Variants in TDRKH observed in about 807,000 individuals in gnomAD.
TDRKH encodes the protein tudor and KH domain-containing protein.
TDRKH carries 28 observed loss-of-function variants against 61.3 expected under a neutral mutation model. That is an observed-to-expected ratio of 0.46 (90% CI 0.34 to 0.63). The LOEUF (loss-of-function observed/expected upper bound fraction) is 0.63. Ranked by LOEUF, TDRKH falls within the 20% of genes least tolerant of loss-of-function variation. The pLI is 0.01. For synonymous variants in TDRKH, 219 were observed against 244.4 expected, an observed-to-expected ratio of 0.90 and a Z score of 0.97; for missense variants, 540 against 683.4, an observed-to-expected ratio of 0.79 and a Z score of 2.34.
chr1:151,769,144 C>T (rs1484636909), downstream of TDRKH, among the ~76,000 whole-genome samples: 12 of 152,102 alleles, frequency 7.9e-5, no homozygotes, highest in South Asian at 2.1e-4. Flanking sequence ...AAACCGCCAT[C>T]GTCATCATGG....
Position 151,778,765 on chromosome 1 carries a change from TC to T in TDRKH, c.802del (p.Glu268LysfsTer41), listed in dbSNP as rs753082990. On this transcript the variant is annotated frameshift_variant, in exon 6 of 13. Transcript: ENST00000368824. LOFTEE classifies it high-confidence loss of function. The stretch of plus-strand genomic sequence containing the variant: ...ATCACTAGGTTTCTCCCAGGAACCT[TC>T]CTTTGACACTACCACAGCCATGTCG... ...GGDMAVVVSK[E>X]GSWEKPSDDS... The T allele has an allele frequency of 6.2e-7, 1 of 1,614,182 alleles. No individual in the cohort carries two copies. Among genetic ancestry groups the T allele is most frequent in the Non-Finnish European group, 8.5e-7 (1 of 1,180,026 alleles).
At chr1:151,789,473 A>G (rs1397894121) in intron 1 of TDRKH, among the ~76,000 whole-genome samples, 1 of 152,220 alleles carries the variant, frequency 6.6e-6, no homozygotes, top group Non-Finnish European at 1.5e-5. Flanking sequence ...ACTAGAACTT[A>G]AGACCACAGT....
chr1:151,779,901 G>T (rs371793434), intron 4 of TDRKH, 50 bp downstream of exon 4: 256 of 1,535,420 alleles, frequency 1.7e-4, no homozygotes, highest in Non-Finnish European at 2.0e-4. Flanking sequence ...GTGAAAGAGG[G>T]GCAAAGGTAA....
downstream of TDRKH, chr1:151,773,419 T>C (rs1019313657): frequency 1.3e-5 from 2 of 152,614 alleles, no homozygotes; most frequent in African/African-American, 2.4e-5. Context: ...TGTGAGGCAG[T>C]TGGCAGTTTT....
intron 3 of TDRKH, 57 bp downstream of exon 3, chr1:151,781,424 G>T: frequency 1.2e-5 from 18 of 1,497,106 alleles, no homozygotes; most frequent in Non-Finnish European, 1.7e-5. Context: ...AAGGAAACAA[G>T]AAATCAATAA....
At chr1:151,771,111 T>TG (rs1371177479), downstream of TDRKH, 1 of 1,609,290 alleles carries the variant, frequency 6.2e-7, no homozygotes, top group Non-Finnish European at 8.5e-7. Context: ...ACATGGGCTT[T>TG]GAGGTGGTCA....
chr1:151,778,759 G>C lies in TDRKH; in HGVS notation c.809C>G (p.Ser270Cys). The change falls in exon 6 of 13, where the codon TCC (serine) becomes TGC (cysteine). Residue 270 changes from serine to cysteine, a missense_variant. Coordinates refer to ENST00000368824, the MANE Select transcript of TDRKH (RefSeq NM_001083965.2). ...DMAVVVSKEG[S>C]WEKPSDDSFQ... ...GCTGTCATCACTAGGTTTCTCCCAG[G>C]AACCTTCCTTTGACACTACCACAGC... The C allele has an allele frequency of 6.2e-7, 1 of 1,614,186 alleles. No homozygotes were observed. Among genetic ancestry groups the C allele is most frequent in the Non-Finnish European group, 8.5e-7 (1 of 1,180,042 alleles).
At chr1:151,772,611 A>C (rs1053719131), downstream of TDRKH, among the ~76,000 whole-genome samples, 1 of 152,178 alleles carries the variant, frequency 6.6e-6, no homozygotes, top group African/African-American at 2.4e-5. Flanking sequence ...ATTACTATAC[A>C]TTTATATTTA....
intron 5 of TDRKH, 46 bp downstream of exon 5, chr1:151,779,057 G>A (rs1571994317): frequency 6.2e-7 from 1 of 1,612,314 alleles, no homozygotes; most frequent in Non-Finnish European, 8.5e-7. Context: ...TAGAGTAAAA[G>A]GATCTTCTCA....
Position 151,774,705 on chromosome 1 carries a change from T to C in TDRKH, c.1633+5A>G, listed in dbSNP as rs779339182. On this transcript the variant is annotated splice_donor_5th_base_variant and intron_variant, in intron 12 of 12. Transcript: ENST00000368824. ...GATGCTCTAGGGAGGAAATACTGCTTGTACCTGATAAGCTGAGGCAGGACA... is the reference window on the plus strand; with the variant it reads ...GATGCTCTAGGGAGGAAATACTGCTCGTACCTGATAAGCTGAGGCAGGACA... 6 of 1,613,898 alleles carry C rather than the reference T, an allele frequency of 3.7e-6. No individual in the cohort carries two copies. The African/African-American group carries it at 8.0e-5, about 22-fold the overall frequency.
At chr1:151,770,930 CCTAGGTCTGTTGGA>C, downstream of TDRKH, 1 of 1,137,310 alleles carries the variant, frequency 8.8e-7, no homozygotes, top group East Asian at 2.9e-5. Context: ...AGAGTTAGAG[CCTAGGTCTGTTGGA>C]CTAAAGCACA....
At chr1:151,780,262 AT>A in intron 3 of TDRKH, 122 bp from the exon 4 acceptor site, 1 of 341,912 alleles carries the variant, frequency 2.9e-6, no homozygotes, top group African/African-American at 3.0e-5. Context: ...AGCTAATACT[AT>A]CTATACAACC....
chr1:151,775,015 T>G, intron 11 of TDRKH, 50 bp downstream of exon 11: 1 of 1,559,056 alleles, frequency 6.4e-7, no homozygotes, highest in Non-Finnish European at 8.8e-7. Context: ...TTAGTGTCTA[T>G]GTGCTAGATT....
intron 2 of TDRKH, chr1:151,781,958 G>A (rs1394132096): frequency 4.3e-6 from 2 of 460,216 alleles, no homozygotes; most frequent in Non-Finnish European, 8.7e-6. Context: ...AGGTACATAA[G>A]TCATTTCTCT....
At chr1:151,771,847 C>G (rs1428056702), downstream of TDRKH, 2 of 398,192 alleles carry the variant, frequency 5.0e-6, no homozygotes, top group Non-Finnish European at 8.8e-6. Flanking sequence ...AAGAATGAGA[C>G]ATTACTCATT....
chr1:151,769,944 C>A (rs1216555611), downstream of TDRKH, among the ~76,000 whole-genome samples: 3 of 70,590 alleles, frequency 4.2e-5, no homozygotes, highest in Admixed American at 1.8e-4. Flanking sequence ...TGGCGGCACG[C>A]GCCTGCAATC....
At chr1:151,769,138 C>T (rs1648490286), downstream of TDRKH, among the ~76,000 whole-genome samples, 2 of 151,990 alleles carry the variant, frequency 1.3e-5, no homozygotes, top group South Asian at 2.1e-4. Context: ...TCGACAAAAC[C>T]GCCATCGTCA....
chr1:151,775,198 C>G (rs1206665442), intron 10 of TDRKH, 32 bp from the exon 11 acceptor site: 4 of 1,611,194 alleles, frequency 2.5e-6, no homozygotes. Flanking sequence ...GAATGATGTT[C>G]TCTCAGTAAG....
intron 1 of TDRKH, chr1:151,783,511 C>T (rs1650034583): frequency 6.6e-6 from 1 of 152,372 alleles, no homozygotes; most frequent in African/African-American, 2.4e-5. Context: ...CTTTTGGTTT[C>T]TATTTATTTA....
Sources: allele counts gnomAD v4.1 joint callset (sites outside exome capture counted in the v4.1 genomes callset), GRCh38; gene constraint gnomAD v4.1.1; transcripts MANE v1.5; gene names NCBI Gene and HGNC (gene_info 2026-07-23, HGNC 2026-07-21).